The following C4orf54 variants were observed in gnomAD, a reference collection of about 807,000 sequenced individuals.
C4orf54 encodes uncharacterized protein C4orf54.
C4orf54 carries 67 observed loss-of-function variants against 80.1 expected under a neutral mutation model. The observed-to-expected ratio is 0.84, with a 90% confidence interval of 0.69 to 1.03. The LOEUF (loss-of-function observed/expected upper bound fraction) is 1.03, where lower values mean the gene tolerates loss of function less well. Ranked by LOEUF, C4orf54 falls within the 50% of genes least tolerant of loss-of-function variation. The pLI, the probability that C4orf54 is intolerant of heterozygous loss-of-function variation, is 0.00. For missense variants in C4orf54, 2,434 were observed against 2,253.5 expected (o/e 1.08, Z -1.62); for synonymous variants, 1,000 against 917.0 (o/e 1.09, Z -1.64).
Position 99,650,561 on chromosome 4 carries a change from G to T in C4orf54, c.4088C>A (p.Ala1363Asp). ...SARAAAFENL[A>D]RERPRSLYIP... ...ATAGAGAGATCGGGGTCTTTCCCTG[G>T]CCAGGTTCTCAAAGGCCGCTGCCCT... The change falls in exon 2 of 3, where the codon GCC becomes GAC. Residue 1363 changes from alanine to aspartate, a missense_variant. Transcript: ENST00000511828. The T allele has an allele frequency of 4.6e-6, 7 of 1,536,026 alleles. No homozygotes were observed. Among genetic ancestry groups the T allele is most frequent in the Non-Finnish European group, 6.1e-6 (7 of 1,146,886 alleles).
Position 99,651,245 on chromosome 4 carries a change from G to A in C4orf54, c.3404C>T (p.Pro1135Leu), listed in dbSNP as rs757602934. 1.3e-6 allele frequency: 2 copies of A among 1,536,126 alleles called. No individual in the cohort carries two copies. The highest frequency in any genetic ancestry group is 1.2e-5 in the South Asian group (1 of 84,062). ...TPEQGLTGPK[P>L]RQLSAAAGGS... is the part of the protein sequence containing the mutation. ...GCCAGCTGCTGCAGACAGCTGCCTGGGTTTGGGTCCAGTCAGCCCCTGCTC... is the reference window on the plus strand; with the variant it reads ...GCCAGCTGCTGCAGACAGCTGCCTGAGTTTGGGTCCAGTCAGCCCCTGCTC... The change falls in exon 2 of 3, where the codon CCC becomes CTC. Residue 1135 changes from proline (P) to leucine (L), a missense_variant. Pro to Leu is a moderately conservative substitution (Grantham distance 98). Transcript: ENST00000511828.
In C4orf54 at chr4:99,650,356, C is replaced by T; in HGVS notation, c.4293G>A (p.Lys1431=). The T allele has an allele frequency of 6.5e-7, 1 of 1,536,096 alleles. No individual in the cohort carries two copies. The highest frequency in any genetic ancestry group is 8.7e-7 in the Non-Finnish European group (1 of 1,146,902). ...TCTTGAGGGACCGGAGTCCCTGCGA[C>T]TTGATGCCCTTAGCTGCTGAAGGAC... ...PESPSAAKGI[K]SQGLRSLKIS... Residue 1431 remains lysine, a synonymous_variant, in exon 2 of 3, where the codon AAG becomes AAA. Transcript: ENST00000511828.
intron 1 of C4orf54, among the ~76,000 whole-genome samples, chr4:99,656,037 T>C (rs1378737622): frequency 2.0e-5 from 3 of 152,160 alleles, no homozygotes; most frequent in Non-Finnish European, 1.5e-5. Flanking sequence ...AAGCCTGCCG[T>C]TATCCTCTCA....
At position 99,653,052 on chromosome 4, in the gene C4orf54, G is replaced by T. The variant is rs1335474767; in HGVS notation, c.1597C>A (p.Pro533Thr). 1.3e-6 allele frequency: 2 copies of T among 1,536,212 alleles called. No individual in the cohort carries two copies. Among genetic ancestry groups the T allele is most frequent in the Non-Finnish European group, 1.7e-6 (2 of 1,146,912 alleles). Residue 533 changes from proline to threonine, a missense_variant, in exon 2 of 3, where the codon CCT becomes ACT. Pro to Thr is a conservative substitution (Grantham distance 38, BLOSUM62 -1). Coordinates refer to ENST00000511828, the MANE Select transcript of C4orf54 (RefSeq NM_001354435.2). ...IKPASRAINE[P>T]SNVRAKQNII... ...TTTTGCTTTGCACGCACGTTGCTAGGCTCATTTATAGCCCGGGAAGCCGGT... is the reference window on the plus strand; with the variant it reads ...TTTTGCTTTGCACGCACGTTGCTAGTCTCATTTATAGCCCGGGAAGCCGGT...
Position 99,653,542 on chromosome 4 carries a change from G to A in C4orf54, c.1107C>T (p.Thr369=). The change falls in exon 2 of 3, where the codon ACC becomes ACT. Residue 369 remains threonine (T), a synonymous_variant. Transcript: ENST00000511828. ...PPKVEEAHYI[T]THEIQLSEVE... is the part of the protein sequence containing the mutation. ...CCTCACTCAGCTGGATCTCATGGGT[G>A]GTGATGTAGTGAGCCTCTTCGACTT... 2 of 1,536,108 alleles carry A rather than the reference G, an allele frequency of 1.3e-6. No homozygotes were observed.
At chr4:99,642,380 G>A (rs1263404666) in intron 2 of C4orf54, among the ~76,000 whole-genome samples, 1 of 152,188 alleles carries the variant, frequency 6.6e-6, no homozygotes. Flanking sequence ...GCAGTGAGAA[G>A]ACATTAAGGG....
chr4:99,650,740 C>A lies in C4orf54; in HGVS notation c.3909G>T (p.Val1303=), dbSNP rs1456627767. 6.5e-7 allele frequency: 1 copy of A among 1,536,164 alleles called. No individual in the cohort carries two copies. Among genetic ancestry groups the A allele is most frequent in the Non-Finnish European group, 8.7e-7 (1 of 1,146,916 alleles). ...GCTTGTCGTGGTCTCCATCAGCAACCACTACCCCTTCCCTCTCCTCACTGG... is the reference window on the plus strand; with the variant it reads ...GCTTGTCGTGGTCTCCATCAGCAACAACTACCCCTTCCCTCTCCTCACTGG... The part of the protein sequence containing the change: ...LIASEEREGV[V]VADGDHDKLS... The change falls in exon 2 of 3, where the codon GTG becomes GTT. Residue 1303 remains valine (V), a synonymous_variant. Coordinates refer to ENST00000511828, the MANE Select transcript of C4orf54 (RefSeq NM_001354435.2).
At position 99,654,533 on chromosome 4, in the gene C4orf54, G is replaced by T; in HGVS notation, c.116C>A (p.Thr39Lys). 1.4e-6 allele frequency: 1 copy of T among 703,230 alleles called. No individual in the cohort carries two copies. Among genetic ancestry groups the T allele is most frequent in the Non-Finnish European group, 2.6e-6 (1 of 385,166 alleles). 43.6% of individuals were successfully genotyped at this position (703,230 alleles called of 1,614,324 possible). A position where few individuals can be genotyped will look rare whatever the true frequency, so the allele number is the denominator to read the frequency against. Reference protein sequence around the residue: ...CCRRCQANNWTGQLSYRTLAT... With the variant: ...CCRRCQANNWKGQLSYRTLAT... The stretch of plus-strand genomic sequence containing the variant: ...CAGTGTTCTGTAGCTGAGCTGTCCT[G>T]TCCAGTTGTTTGCCTGGCACCGTCG... The change falls in exon 2 of 3, where the codon ACA (threonine) becomes AAA (lysine). Residue 39 changes from threonine (T) to lysine (K), a missense_variant. Thr to Lys is a moderately conservative substitution (Grantham distance 78). Transcript: ENST00000511828.
Position 99,649,783 on chromosome 4 carries a change from A to G in C4orf54, c.4866T>C (p.Tyr1622=). 1 of 1,536,162 alleles carries G rather than the reference A, an allele frequency of 6.5e-7. No homozygotes were observed. ...MLLDVTTGQY[Y]LVDTPVQPMT... Reference sequence around the variant, plus strand: ...TGGGCTGTACTGGTGTGTCCACCAGATAGTACTGGCCTGTTGTCACATCCA... The same window carrying G: ...TGGGCTGTACTGGTGTGTCCACCAGGTAGTACTGGCCTGTTGTCACATCCA... Residue 1622 remains tyrosine, a synonymous_variant, in exon 2 of 3, where the codon TAT becomes TAC. Coordinates refer to ENST00000511828, the MANE Select transcript of C4orf54 (RefSeq NM_001354435.2).
At position 99,652,324 on chromosome 4, in the gene C4orf54, G is replaced by T; in HGVS notation, c.2325C>A (p.Pro775=). 1 of 1,535,802 alleles carries T rather than the reference G, an allele frequency of 6.5e-7. No individual in the cohort carries two copies. The highest frequency in any genetic ancestry group is 8.7e-7 in the Non-Finnish European group (1 of 1,146,804). Residue 775 remains proline, a synonymous_variant, in exon 2 of 3, where the codon CCC becomes CCA. Coordinates refer to ENST00000511828, the MANE Select transcript of C4orf54 (RefSeq NM_001354435.2). ...TGTATGCCGACCCGGGACCCTTGCC[G>T]GGGCCTTTGGTGGCCCTGCCGGGCC... ...APGPGRATKG[P]GKGPGSAYTD...
rs531295292 is a variant in C4orf54, at chr4:99,654,634, A to G, written c.15T>C (p.His5=). Reference sequence around the variant, plus strand: ...TAGGTTGACCCCGGGACTTCCAGAAATGAAAGGAAAGCATGTGCTGTTTCT... The same window carrying G: ...TAGGTTGACCCCGGGACTTCCAGAAGTGAAAGGAAAGCATGTGCTGTTTCT... MLSF[H]FWKSRGQPTD... The change falls in exon 2 of 3, where the codon CAT becomes CAC. Residue 5 remains histidine (H), a synonymous_variant. Transcript: ENST00000511828. 2.9e-6 allele frequency: 2 copies of G among 693,000 alleles called. No individual in the cohort carries two copies. The highest frequency in any genetic ancestry group is 3.5e-5 in the African/African-American group (2 of 57,084). The allele number at this position is 693,000 out of a possible 1,614,324, so 42.9% of individuals were successfully genotyped here. A position where few individuals can be genotyped will look rare whatever the true frequency, so the allele number is the denominator to read the frequency against.
In C4orf54 at chr4:99,653,789, T is replaced by A; in HGVS notation, c.860A>T (p.Glu287Val). 1.3e-6 allele frequency: 2 copies of A among 1,536,144 alleles called. No homozygotes were observed. The highest frequency in any genetic ancestry group is 1.7e-6 in the Non-Finnish European group (2 of 1,146,900). Residue 287 changes from glutamate to valine, a missense_variant, in exon 2 of 3, where the codon GAG (glutamate) becomes GTG (valine). Transcript: ENST00000511828. The part of the protein sequence containing the change: ...KAEEDGLSKM[E>V]DSTTSTGALA... ...AGCCCCTGTGGATGTGGTGGAGTCC[T>A]CCATTTTGGAAAGGCCATCCTCTTC...
At position 99,657,500 on chromosome 4, in the gene C4orf54, A is replaced by G. The variant is rs1052643218; in HGVS notation, c.-37T>C. On this transcript the variant is annotated 5_prime_UTR_variant, in exon 1 of 3. Coordinates refer to ENST00000511828, the MANE Select transcript of C4orf54 (RefSeq NM_001354435.2). Reference sequence around the variant, plus strand: ...ATTCTGACAGTAGTACTTACCTCCAAAGTATCTGTGTGGCTCCTTTACTGC... The same window carrying G: ...ATTCTGACAGTAGTACTTACCTCCAGAGTATCTGTGTGGCTCCTTTACTGC... Among the ~76,000 whole-genome samples, 1 of 152,208 alleles carries G rather than the reference A, an allele frequency of 6.6e-6. No homozygotes were observed. The highest frequency in any genetic ancestry group is 1.5e-5 in the Non-Finnish European group (1 of 68,038).
rs548874818 is a variant in C4orf54, at chr4:99,640,436, A to G, written c.*797T>C. On this transcript the variant is annotated 3_prime_UTR_variant, in exon 3 of 3. Coordinates refer to ENST00000511828, the MANE Select transcript of C4orf54 (RefSeq NM_001354435.2). ...AAAAATGTTATGCACCCACAAAAATAATTGGATTCTTAAAGGAAAATAGAT... is the reference window on the plus strand; with the variant it reads ...AAAAATGTTATGCACCCACAAAAATGATTGGATTCTTAAAGGAAAATAGAT... 1.3e-5 allele frequency: 2 copies of G among 152,306 alleles called. No homozygotes were observed. The highest frequency in any genetic ancestry group is 1.3e-4 in the Admixed American group (2 of 15,296). The allele number at this position is 152,306 out of a possible 1,614,324, so 9.4% of individuals were successfully genotyped here.
At position 99,640,270 on chromosome 4, in the gene C4orf54, G is replaced by A. The variant is rs761326541; in HGVS notation, c.*963C>T. 1.3e-5 allele frequency: 2 copies of A among 152,140 alleles called. No individual in the cohort carries two copies. Among genetic ancestry groups the A allele is most frequent in the African/African-American group, 2.4e-5 (1 of 41,450 alleles). The allele number at this position is 152,140 out of a possible 1,614,324, so 9.4% of individuals were successfully genotyped here. A position where few individuals can be genotyped will look rare whatever the true frequency, so the allele number is the denominator to read the frequency against. On this transcript the variant is annotated 3_prime_UTR_variant, in exon 3 of 3. Transcript: ENST00000511828. ...TCTAGGTTACTGTTATTGGGATAGC[G>A]AGGCTAGGGCTGGAGTGAATCAGAG...
chr4:99,654,476 T>C lies in C4orf54; in HGVS notation c.173A>G (p.Gln58Arg), dbSNP rs1055904124. 2.8e-6 allele frequency: 2 copies of C among 706,974 alleles called. No homozygotes were observed. Among genetic ancestry groups the C allele is most frequent in the Admixed American group, 2.0e-5 (1 of 50,016 alleles). 43.8% of individuals were successfully genotyped at this position (706,974 alleles called of 1,614,324 possible). The change falls in exon 2 of 3, where the codon CAG becomes CGG. Residue 58 changes from glutamine to arginine, a missense_variant. Transcript: ENST00000511828. ...ATVSAGAAAP[Q>R]PQTTSTASSR... ...TGAGGCGGTGGAGGTGGTCTGTGGC[T>C]GGGGGGCTGCTGCTCCGGCCGAGAC...
At position 99,654,152 on chromosome 4, in the gene C4orf54, C is replaced by T. The variant is rs1163571410; in HGVS notation, c.497G>A (p.Ser166Asn). ...GAGCTCCTGGCTGTCTTGAGCACTGCTCACCCCGTCCCCCACCTCCGCCTG... is the reference window on the plus strand; with the variant it reads ...GAGCTCCTGGCTGTCTTGAGCACTGTTCACCCCGTCCCCCACCTCCGCCTG... ...ARQAEVGDGV[S>N]SAQDSQELKQ... Residue 166 changes from serine (S) to asparagine (N), a missense_variant, in exon 2 of 3, where the codon AGC (serine) becomes AAC (asparagine). By Grantham distance (46) the Ser-to-Asn change is conservative. Transcript: ENST00000511828. The T allele has an allele frequency of 6.5e-7, 1 of 1,536,134 alleles. No homozygotes were observed. The highest frequency in any genetic ancestry group is 2.0e-5 in the Admixed American group (1 of 51,000).
chr4:99,644,844 C>T (rs1317788282), intron 2 of C4orf54, among the ~76,000 whole-genome samples: 3 of 139,030 alleles, frequency 2.2e-5, no homozygotes, highest in Non-Finnish European at 3.0e-5. Flanking sequence ...AATGAGAAAC[C>T]GCAATAAGGA....
At position 99,650,008 on chromosome 4, in the gene C4orf54, T is replaced by TG. The variant is rs763082793; in HGVS notation, c.4640dup (p.Gly1548ArgfsTer64). ...GGGGATGCTCGGGGCTCTGTGGCCC[T>TG]GGGGGGGCAGCTACTGTCTCCCGGG... On this transcript the variant is annotated frameshift_variant, in exon 2 of 3. Coordinates refer to ENST00000511828, the MANE Select transcript of C4orf54 (RefSeq NM_001354435.2). LOFTEE classifies it low-confidence loss of function (END_TRUNC). 1.0e-5 allele frequency: 16 copies of TG among 1,528,156 alleles called. No individual in the cohort carries two copies. Among genetic ancestry groups the TG allele is most frequent in the South Asian group, 3.6e-5 (3 of 83,626 alleles). The allele number at this position is 1,528,156 out of a possible 1,614,324, so 94.7% of individuals were successfully genotyped here.
Sources: allele counts gnomAD v4.1 joint callset (sites outside exome capture counted in the v4.1 genomes callset), GRCh38; gene constraint gnomAD v4.1.1; transcripts MANE v1.5; gene names NCBI Gene and HGNC (gene_info 2026-07-23, HGNC 2026-07-21).